Variants in LRMDA observed in about 807,000 individuals in gnomAD.
LRMDA encodes leucine rich melanocyte differentiation associated.
In LRMDA, 18 loss-of-function variants were observed where a neutral mutation model predicts 29.8. That is an observed-to-expected ratio of 0.60 (90% confidence interval 0.42 to 0.90). The LOEUF (loss-of-function observed/expected upper bound fraction) is 0.90. LRMDA is among the 40% of genes least tolerant of loss of function. The probability of loss-of-function intolerance (pLI) is 0.00; values close to 1 mark genes in which losing one functional copy is unlikely to be tolerated. For synonymous variants in LRMDA, 125 were observed against 109.4 expected, an observed-to-expected ratio of 1.14 and a Z score of -0.89; for missense variants, 273 against 273.9, an observed-to-expected ratio of 1.00 and a Z score of 0.02.
At chr10:76,427,244 A>G (rs1842137756) in intron 6 of LRMDA, among the ~76,000 whole-genome samples, 2 of 151,786 alleles carry the variant, frequency 1.3e-5, no homozygotes, top group East Asian at 1.9e-4. Context: ...AGCATGGAAT[A>G]TTCTTCCATT....
chr10:76,411,500 A>C (rs552248132), intron 6 of LRMDA, among the ~76,000 whole-genome samples: 1 of 152,352 alleles, frequency 6.6e-6, no homozygotes, highest in East Asian at 1.9e-4. Context: ...GGTCAACGAC[A>C]TTATTTCCCT....
At chr10:75,599,105 A>T (rs1379947131) in intron 2 of LRMDA, among the ~76,000 whole-genome samples, 5 of 152,046 alleles carry the variant, frequency 3.3e-5, no homozygotes, top group Admixed American at 2.6e-4. Flanking sequence ...AGGTAAAAAA[A>T]TTAATCTAAG....
In LRMDA at chr10:76,136,915, A is replaced by T. The variant is rs74150513; in HGVS notation, c.516+78132A>T. On this transcript the variant is annotated intron_variant, in intron 5 of 6. Transcript: ENST00000611255. Reference sequence around the variant, plus strand: ...TACCTATATGTCAGGCCCTAACCAAAGGAGGTTTGTGGAACTTGGAGAGAT... The same window carrying T: ...TACCTATATGTCAGGCCCTAACCAATGGAGGTTTGTGGAACTTGGAGAGAT... Among the ~76,000 whole-genome samples, 330 of 152,302 alleles carry T rather than the reference A, an allele frequency of 2.2e-3. 2 individuals are homozygous for T. Among genetic ancestry groups the T allele is most frequent in the African/African-American group, 6.7e-3 (279 of 41,568 alleles).
intron 5 of LRMDA, among the ~76,000 whole-genome samples, chr10:76,075,013 C>G (rs1428560726): frequency 2.0e-5 from 3 of 152,134 alleles, no homozygotes; most frequent in African/African-American, 7.2e-5. Context: ...AGCATGAGAA[C>G]ATGGAGGATT....
At chr10:76,105,711 A>G (rs1482230818) in intron 5 of LRMDA, among the ~76,000 whole-genome samples, 8 of 151,980 alleles carry the variant, frequency 5.3e-5, no homozygotes, top group South Asian at 2.1e-4. Context: ...GATTTCAGAA[A>G]CCTGGCCTCC....
At chr10:75,519,218 T>C (rs1845328567) in intron 2 of LRMDA, among the ~76,000 whole-genome samples, 1 of 152,168 alleles carries the variant, frequency 6.6e-6, no homozygotes, top group Admixed American at 6.5e-5. Flanking sequence ...GTCTATTAGG[T>C]CCAATTGGTC....
intron 2 of LRMDA, among the ~76,000 whole-genome samples, chr10:76,014,312 C>T (rs1387239967): frequency 6.6e-6 from 1 of 151,548 alleles, no homozygotes; most frequent in Non-Finnish European, 1.5e-5. Context: ...TTTGCTGATC[C>T]CTGACCTTAC....
intron 2 of LRMDA, among the ~76,000 whole-genome samples, chr10:75,902,932 A>T (rs761862437): frequency 6.6e-6 from 1 of 152,042 alleles, no homozygotes; most frequent in Non-Finnish European, 1.5e-5. Flanking sequence ...AAATGTCCCC[A>T]CTGAATCCAG....
At chr10:75,782,538 G>A (rs1843401230) in intron 2 of LRMDA, among the ~76,000 whole-genome samples, 1 of 152,226 alleles carries the variant, frequency 6.6e-6, no homozygotes, top group South Asian at 2.1e-4. Context: ...TTAACATCCT[G>A]TGAAGCGGAA....
rs1281635839 is a variant in LRMDA at position 76,495,829 on chromosome 10, A to ATGGTGCAGCAATGAACATTCAAGTAC, written c.602-61380_602-61379insTGGTGCAGCAATGAACATTCAAGTAC. On this transcript the variant is annotated intron_variant, in intron 6 of 6. Transcript: ENST00000611255. ...ACCTGTCCATTTTCAGTATATAGAAAATGCAATTGATTTGTTTGTATTAAT... is the reference window on the plus strand; with the variant it reads ...ACCTGTCCATTTTCAGTATATAGAAATGGTGCAGCAATGAACATTCAAGTACATGCAATTGATTTGTTTGTATTAAT... Among the ~76,000 whole-genome samples, 80 of 22,620 alleles carry ATGGTGCAGCAATGAACATTCAAGTAC rather than the reference A, an allele frequency of 3.5e-3. 2 individuals are homozygous for ATGGTGCAGCAATGAACATTCAAGTAC. Among genetic ancestry groups the ATGGTGCAGCAATGAACATTCAAGTAC allele is most frequent in the Non-Finnish European group, 7.7e-3 (23 of 3,000 alleles). The allele number at this position is 22,620 out of a possible 152,430, so 14.8% of individuals were successfully genotyped here. A position where few individuals can be genotyped will look rare whatever the true frequency, so the allele number is the denominator to read the frequency against.
At chr10:76,085,716 C>T (rs910183131) in intron 5 of LRMDA, among the ~76,000 whole-genome samples, 1 of 152,208 alleles carries the variant, frequency 6.6e-6, no homozygotes, top group Non-Finnish European at 1.5e-5. Flanking sequence ...CAAGGGAGGA[C>T]AGTCCTGCCT....
rs183562665 is a variant in LRMDA, at chr10:75,534,147, A to G, written c.131+95653A>G. On this transcript the variant is annotated intron_variant, in intron 2 of 6. Transcript: ENST00000611255. Reference sequence around the variant, plus strand: ...ATGTAGCATAAGTTAGGTCTTTTACAGGGAATATAATATATGAGGGTGAGT... The same window carrying G: ...ATGTAGCATAAGTTAGGTCTTTTACGGGGAATATAATATATGAGGGTGAGT... 2.0e-5 allele frequency among the ~76,000 whole-genome samples: 3 copies of G among 152,318 alleles called. No individual in the cohort carries two copies. The East Asian group carries it at 5.8e-4, about 29-fold the overall frequency.
chr10:75,972,958 C>T (rs1847002819), intron 2 of LRMDA, among the ~76,000 whole-genome samples: 1 of 152,112 alleles, frequency 6.6e-6, no homozygotes, highest in South Asian at 2.1e-4. Flanking sequence ...ACCCTGTGTG[C>T]TACACTGGGG....
At chr10:75,680,874 G>A (rs528249407) in intron 2 of LRMDA, among the ~76,000 whole-genome samples, 5 of 152,130 alleles carry the variant, frequency 3.3e-5, no homozygotes, top group East Asian at 3.9e-4. Context: ...GAGTACAAGC[G>A]CCCTTATTCA....
intron 2 of LRMDA, among the ~76,000 whole-genome samples, chr10:75,783,238 G>T (rs138698851): frequency 3.1e-4 from 47 of 152,222 alleles, no homozygotes; most frequent in African/African-American, 1.1e-3. Flanking sequence ...TATCCTAGGT[G>T]TGTCCTCGAT....
chr10:75,672,876 G>T (rs921846239), intron 2 of LRMDA, among the ~76,000 whole-genome samples: 2 of 150,582 alleles, frequency 1.3e-5, no homozygotes, highest in African/African-American at 2.4e-5. Flanking sequence ...CCAACCCTTT[G>T]TATTGTTTCC....
chr10:75,810,995 G>T (rs1035716861), intron 2 of LRMDA, among the ~76,000 whole-genome samples: 1 of 152,184 alleles, frequency 6.6e-6, no homozygotes, highest in Non-Finnish European at 1.5e-5. Context: ...AAGTGGAGGA[G>T]CTGGGTCCAG....
chr10:76,144,717 T>C (rs944731576), intron 5 of LRMDA, among the ~76,000 whole-genome samples: 1 of 152,142 alleles, frequency 6.6e-6, no homozygotes, highest in African/African-American at 2.4e-5. Context: ...TGGCCAGAAC[T>C]TCCAACACTA....
chr10:75,977,106 C>T (rs1018424226), intron 2 of LRMDA, among the ~76,000 whole-genome samples: 27 of 148,776 alleles, frequency 1.8e-4, no homozygotes, highest in African/African-American at 6.5e-4. Flanking sequence ...CCCTCTAGCT[C>T]GATGGTTCTT....
Sources: gnomAD v4.1 joint callset for allele counts (sites outside exome capture counted in the v4.1 genomes callset) on GRCh38, gnomAD v4.1.1 for gene constraint, MANE v1.5 for transcripts, NCBI Gene and HGNC (gene_info 2026-07-23, HGNC 2026-07-21) for gene names.